Variants in PZP observed in about 807,000 individuals in gnomAD.
The protein encoded by PZP is PZP alpha-2-macroglobulin like.
In PZP, 150 loss-of-function variants were observed where a neutral mutation model predicts 179.8. That is an observed-to-expected ratio of 0.83 (90% CI 0.73 to 0.96). The LOEUF is 0.96. PZP is among the 40% of genes least tolerant of loss of function. The pLI is 0.00. For missense variants in PZP, 1,689 were observed against 1,764.0 expected, an observed-to-expected ratio of 0.96 and a Z score of 0.76; for synonymous variants, 624 against 652.3, an observed-to-expected ratio of 0.96 and a Z score of 0.66.
In PZP at chr12:9,166,046, A is replaced by G; in HGVS notation, c.2258+6T>C. The G allele has an allele frequency of 6.2e-7, 1 of 1,600,234 alleles. No individual in the cohort carries two copies. The highest frequency in any genetic ancestry group is 8.5e-7 in the Non-Finnish European group (1 of 1,175,676). ...CCAGCAAATGGAGGAAAGTAAAGTT[A>G]CTTACTTCACTGCCACCAACTCCCA... On this transcript the variant is annotated splice_donor_region_variant and intron_variant, in intron 18 of 35. Transcript: ENST00000261336.
chr12:9,173,805 A>G (rs920862904), intron 15 of PZP, among the ~76,000 whole-genome samples: 3 of 152,254 alleles, frequency 2.0e-5, no homozygotes, highest in Non-Finnish European at 4.4e-5. Flanking sequence ...GAATAGACCA[A>G]TAACGAGTTC....
intron 13 of PZP, among the ~76,000 whole-genome samples, chr12:9,187,566 T>A: frequency 6.6e-6 from 1 of 152,216 alleles, no homozygotes; most frequent in Non-Finnish European, 1.5e-5. Context: ...TTAAACAACC[T>A]GCTCCTGCAT....
intron 25 of PZP, 45 bp from the exon 26 acceptor site, chr12:9,158,621 A>G (rs1940936742): frequency 6.3e-7 from 1 of 1,596,816 alleles, no homozygotes. Context: ...TTCATTGAGC[A>G]CTTTACTGCT....
At chr12:9,158,330 T>C (rs1940912023) in intron 26 of PZP, 90 bp downstream of exon 26, 2 of 1,514,650 alleles carry the variant, frequency 1.3e-6, no homozygotes. Flanking sequence ...ACTTCATCTT[T>C]GCAATTTCCT....
chr12:9,198,411 A>G (rs910714136), intron 7 of PZP, among the ~76,000 whole-genome samples: 1 of 152,178 alleles, frequency 6.6e-6, no homozygotes, highest in African/African-American at 2.4e-5. Context: ...TTGTTTTAAT[A>G]ATATCAAAGC....
At position 9,194,217 on chromosome 12, in the gene PZP, CT is replaced by C; in HGVS notation, c.1113del (p.Gly372ValfsTer13). On this transcript the variant is annotated frameshift_variant, in exon 11 of 36. Transcript: ENST00000261336. LOFTEE classifies it high-confidence loss of function. ...FFAQVLLVDG[K>X]GVPIPNKLFF... ...AAGAGTTTATTGGGGATGGGCACAC[CT>C]TTTCCATCCACCAGAAGCACCTAAA... 6.2e-7 allele frequency: 1 copy of C among 1,613,608 alleles called. No individual in the cohort carries two copies. Among genetic ancestry groups the C allele is most frequent in the Non-Finnish European group, 8.5e-7 (1 of 1,179,692 alleles).
chr12:9,153,322 C>T lies in PZP; in HGVS notation c.3796G>A (p.Ala1266Thr), dbSNP rs769921578. ...STQDTVVALH[A>T]LSRYGAATFT... ...GTGGCTGCTCCATACCTGGACAGGG[C>T]ATGGAGAGCCACCACTGTGTCCTGG... Residue 1266 changes from alanine (A) to threonine (T), a missense_variant, in exon 30 of 36, where the codon GCC becomes ACC. Physicochemically the swap from Ala to Thr is moderately conservative, Grantham distance 58 (BLOSUM62 0). This residue lies in a region of PZP where 746 missense variants were observed against 749.2 expected (regional missense o/e 1.00). Transcript: ENST00000261336. 9 of 1,613,306 alleles carry T rather than the reference C, an allele frequency of 5.6e-6. No individual in the cohort carries two copies. Among genetic ancestry groups the T allele is most frequent in the African/African-American group, 1.3e-5 (1 of 74,922 alleles).
intron 15 of PZP, among the ~76,000 whole-genome samples, chr12:9,172,642 A>G (rs2120854579): frequency 6.6e-6 from 1 of 152,298 alleles, no homozygotes; most frequent in African/African-American, 2.4e-5. Flanking sequence ...ATGGAGGAAA[A>G]TTTACCAAGC....
intron 21 of PZP, among the ~76,000 whole-genome samples, chr12:9,163,465 G>A (rs1941365832): frequency 6.6e-6 from 1 of 151,296 alleles, no homozygotes; most frequent in African/African-American, 2.4e-5. Context: ...AAAAAAAAAA[G>A]GAAATTGCAC....
chr12:9,157,812 G>A lies in PZP; in HGVS notation c.3324C>T (p.Ser1108=), dbSNP rs776878221. 4.2e-5 allele frequency: 68 copies of A among 1,613,922 alleles called. No homozygotes were observed. The highest frequency in any genetic ancestry group is 3.7e-4 in the Admixed American group (22 of 60,000). ...KGGVEDEATL[S]AYVTIALLEI... ...CCAGAAGGGCAATAGTAACATAGGCGGAGAGGGTCGCTTCATCTTCTACAC... is the reference window on the plus strand; with the variant it reads ...CCAGAAGGGCAATAGTAACATAGGCAGAGAGGGTCGCTTCATCTTCTACAC... Residue 1108 remains serine (S), a synonymous_variant, in exon 27 of 36, where the codon TCC becomes TCT. Transcript: ENST00000261336.
intron 15 of PZP, among the ~76,000 whole-genome samples, chr12:9,180,300 T>C (rs2120950030): frequency 6.6e-6 from 1 of 152,258 alleles, no homozygotes; most frequent in East Asian, 1.9e-4. Flanking sequence ...AAAAAACTAC[T>C]TTAAAGTTCA....
chr12:9,192,322 A>G, intron 12 of PZP, 66 bp from the exon 13 acceptor site: 1 of 1,479,548 alleles, frequency 6.8e-7, no homozygotes, highest in Non-Finnish European at 9.4e-7. Context: ...TCTATTCCCC[A>G]CATGACCCAC....
chr12:9,157,696 T>C (rs1940862412), intron 27 of PZP, 71 bp downstream of exon 27: 2 of 1,356,296 alleles, frequency 1.5e-6, no homozygotes, highest in Non-Finnish European at 2.1e-6. Context: ...ACTCAACCCT[T>C]AGCAGGGTGG....
intron 1 of PZP, among the ~76,000 whole-genome samples, chr12:9,207,081 A>G (rs1055771927): frequency 6.6e-6 from 1 of 152,210 alleles, no homozygotes; most frequent in Non-Finnish European, 1.5e-5. Context: ...TGAGGAAAGC[A>G]GGAGACTTAC....
chr12:9,160,207 T>C, intron 24 of PZP, 107 bp downstream of exon 24: 1 of 1,223,814 alleles, frequency 8.2e-7, no homozygotes, highest in South Asian at 1.5e-5. Flanking sequence ...AGATTGTTGT[T>C]TTCATAAAAA....
rs747461478 is a variant in PZP, at chr12:9,154,775, G to A, written c.3615C>T (p.Thr1205=). 4.3e-6 allele frequency: 7 copies of A among 1,614,132 alleles called. No homozygotes were observed. The highest frequency in any genetic ancestry group is 3.3e-5 in the South Asian group (3 of 91,062). ...TCTCCACCTCAGCAGAGGGAGCCTGGGTTTGGTAAAGATGCCCCACTGGTG... is the reference window on the plus strand; with the variant it reads ...TCTCCACCTCAGCAGAGGGAGCCTGAGTTTGGTAAAGATGCCCCACTGGTG... ...PKAPVGHLYQ[T]QAPSAEVEMT... Residue 1205 remains threonine (T), a synonymous_variant, in exon 29 of 36, where the codon ACC becomes ACT. Transcript: ENST00000261336.
chr12:9,153,020 G>A (rs61916037), intron 30 of PZP, 69 bp from the exon 31 acceptor site: 507 of 1,605,160 alleles, frequency 3.2e-4, no homozygotes, highest in Non-Finnish European at 3.7e-4. Flanking sequence ...ATTACTTAAC[G>A]TCTCCAGAGG....
intron 22 of PZP, 97 bp downstream of exon 22, chr12:9,162,500 C>G: frequency 1.2e-6 from 1 of 860,658 alleles, no homozygotes; most frequent in Non-Finnish European, 1.9e-6. Flanking sequence ...ATGGAACACT[C>G]TGAAAACTGG....
Position 9,182,008 on chromosome 12 carries a change from T to G in PZP, c.1656A>C (p.Glu552Asp). 1 of 1,613,918 alleles carries G rather than the reference T, an allele frequency of 6.2e-7. No individual in the cohort carries two copies. The highest frequency in any genetic ancestry group is 8.5e-7 in the Non-Finnish European group (1 of 1,179,890). Reference sequence around the variant, plus strand: ...CTAGACAGTTTTCAATCTCAAATTTTTCAGAGTCTCCAACAACTTCTCCAT... The same window carrying G: ...CTAGACAGTTTTCAATCTCAAATTTGTCAGAGTCTCCAACAACTTCTCCAT... Reference protein sequence around the residue: ...LPDGEVVGDSEKFEIENCLAN... With the variant: ...LPDGEVVGDSDKFEIENCLAN... The change falls in exon 14 of 36, where the codon GAA becomes GAC. Residue 552 changes from glutamate (E) to aspartate (D), a missense_variant. Glu to Asp is a conservative substitution (Grantham distance 45). This residue lies in a region of PZP where 742 missense variants were observed against 730.5 expected (regional missense o/e 1.02). Coordinates refer to ENST00000261336, the MANE Select transcript of PZP (RefSeq NM_002864.3).
Sources: allele counts gnomAD v4.1 joint callset (sites outside exome capture counted in the v4.1 genomes callset), GRCh38; gene constraint gnomAD v4.1.1; regional missense constraint gnomAD v4.1.1; transcripts MANE v1.5; gene names NCBI Gene and HGNC (gene_info 2026-07-23, HGNC 2026-07-21).